The following ARHGAP35 variants were observed in gnomAD, a reference collection of about 807,000 sequenced individuals.
ARHGAP35 encodes the protein Rho GTPase activating protein 35, also known as rho GTPase-activating protein 35.
A neutral mutation model predicts 111.1 loss-of-function variants in ARHGAP35; 15 were observed. That is an observed-to-expected ratio of 0.13 (90% CI 0.09 to 0.21). The LOEUF is 0.21. ARHGAP35 is among the 10% of genes least tolerant of loss of function. ARHGAP35 has a pLI of 1.00. For missense variants in ARHGAP35, 1,262 were observed against 1,873.0 expected (o/e 0.67, Z 6.02); for synonymous variants, 643 against 710.3 (o/e 0.91, Z 1.51).
In ARHGAP35 at chr19:46,919,188, T is replaced by G; in HGVS notation, c.513T>G (p.Asn171Lys). ...LLGIDVSRGM[N>K]RNFDDQLKFV... ...GTATTGATGTTAGCAGGGGCATGAA[T>G]AGGAACTTTGATGACCAGCTCAAGT... Residue 171 changes from asparagine to lysine, a missense_variant, in exon 2 of 7, where the codon AAT (asparagine) becomes AAG (lysine). Transcript: ENST00000672722. The surrounding 1 kb of genome is among the most constrained non-coding windows in gnomAD (Gnocchi z 6.2). 6.2e-7 allele frequency: 1 copy of G among 1,613,920 alleles called. No homozygotes were observed. The highest frequency in any genetic ancestry group is 8.5e-7 in the Non-Finnish European group (1 of 1,179,882).
At chr19:46,869,942 A>G (rs1014402191) in intron 1 of ARHGAP35, among the ~76,000 whole-genome samples, 1 of 124,392 alleles carries the variant, frequency 8.0e-6, no homozygotes, top group Non-Finnish European at 1.7e-5. Flanking sequence ...ATCACTGTGT[A>G]CTTTTTTTTT....
chr19:46,890,237 A>T (rs917223784), intron 1 of ARHGAP35, among the ~76,000 whole-genome samples: 3 of 152,200 alleles, frequency 2.0e-5, no homozygotes, highest in Non-Finnish European at 4.4e-5. Flanking sequence ...TCTATTGTTG[A>T]ACATCTAAGG....
chr19:46,921,955 G>A lies in ARHGAP35; in HGVS notation c.3280G>A (p.Val1094Met). 6.2e-7 allele frequency: 1 copy of A among 1,614,036 alleles called. No individual in the cohort carries two copies. Among genetic ancestry groups the A allele is most frequent in the Non-Finnish European group, 8.5e-7 (1 of 1,179,898 alleles). ...PSDYAEPMDA[V>M]VKPRNEEENI... is the part of the protein sequence containing the mutation. Reference sequence around the variant, plus strand: ...TGACTATGCTGAACCCATGGATGCTGTGGTGAAGCCAAGGAATGAAGAAGA... The same window carrying A: ...TGACTATGCTGAACCCATGGATGCTATGGTGAAGCCAAGGAATGAAGAAGA... The change falls in exon 2 of 7, where the codon GTG becomes ATG. Residue 1094 changes from valine to methionine, a missense_variant. Around this residue, in one of 8 missense-constraint regions of ARHGAP35, gnomAD observed 579 missense variants for 716.9 expected, o/e 0.81. Transcript: ENST00000672722. The surrounding 1 kb of genome is among the most constrained non-coding windows in gnomAD (Gnocchi z 4.3).
chr19:46,888,715 C>T (rs1052809916), intron 1 of ARHGAP35, among the ~76,000 whole-genome samples: 1 of 151,484 alleles, frequency 6.6e-6, no homozygotes, highest in Non-Finnish European at 1.5e-5. Flanking sequence ...GTTCTTTGGC[C>T]GGGTGTGGTG....
chr19:46,940,794 A>G (rs1401569300), intron 3 of ARHGAP35, among the ~76,000 whole-genome samples: 1 of 152,040 alleles, frequency 6.6e-6, no homozygotes, highest in Non-Finnish European at 1.5e-5. Flanking sequence ...CATCGTGATC[A>G]AGTTCTGGGT....
chr19:46,876,376 AT>A (rs538198355), intron 1 of ARHGAP35, among the ~76,000 whole-genome samples: 55 of 147,916 alleles, frequency 3.7e-4, no homozygotes, highest in African/African-American at 1.1e-3. Context: ...TTTTTTTTAA[AT>A]TTTTTTTTTC....
Position 47,000,267 on chromosome 19 carries a change from T to C in ARHGAP35, c.4143-64T>C. 6.5e-7 allele frequency: 1 copy of C among 1,540,590 alleles called. No homozygotes were observed. The highest frequency in any genetic ancestry group is 1.2e-5 in the South Asian group (1 of 82,352). On this transcript the variant is annotated intron_variant, in intron 6 of 6. Coordinates refer to ENST00000672722, the MANE Select transcript of ARHGAP35 (RefSeq NM_004491.5). This position sits in a 1 kb window ranked among gnomAD's most constrained non-coding sequence, Gnocchi z 6.9. ...GGCTCAGCCTGGGTGCTGAAGACCA[T>C]GAGCGCCCAGGGCCAGGTGGGGCCC...
In ARHGAP35 at chr19:46,919,201, G is replaced by T; in HGVS notation, c.526G>T (p.Asp176Tyr). ...VSRGMNRNFD[D>Y]QLKFVSNLYN... is the part of the protein sequence containing the mutation. ...CAGGGGCATGAATAGGAACTTTGAT[G>T]ACCAGCTCAAGTTTGTCTCCAATCT... The change falls in exon 2 of 7, where the codon GAC becomes TAC. Residue 176 changes from aspartate (D) to tyrosine (Y), a missense_variant. Around this residue, in one of 8 missense-constraint regions of ARHGAP35, gnomAD observed 125 missense variants for 301.7 expected, o/e 0.41. Transcript: ENST00000672722. The surrounding 1 kb of genome is among the most constrained non-coding windows in gnomAD (Gnocchi z 6.2). The T allele has an allele frequency of 6.2e-7, 1 of 1,613,870 alleles. No individual in the cohort carries two copies. The highest frequency in any genetic ancestry group is 1.1e-5 in the South Asian group (1 of 91,018).
At chr19:46,938,859 C>A (rs960167543) in intron 3 of ARHGAP35, among the ~76,000 whole-genome samples, 3 of 151,528 alleles carry the variant, frequency 2.0e-5, no homozygotes, top group Middle Eastern at 3.5e-3. Context: ...GGTTTCACCA[C>A]ATTGGTCAGG....
At chr19:46,902,259 T>C (rs901668805) in intron 1 of ARHGAP35, among the ~76,000 whole-genome samples, 6 of 152,250 alleles carry the variant, frequency 3.9e-5, no homozygotes, top group Non-Finnish European at 8.8e-5. Flanking sequence ...AAAGTCACTC[T>C]GGAAGAATAT....
intron 3 of ARHGAP35, among the ~76,000 whole-genome samples, chr19:46,962,911 T>G (rs2122274662): frequency 6.6e-6 from 1 of 152,224 alleles, no homozygotes; most frequent in Non-Finnish European, 1.5e-5. Flanking sequence ...GCGCCCGGCC[T>G]CAACCTCTCA....
In ARHGAP35 at chr19:46,897,930, T is replaced by A. The variant is rs182906062; in HGVS notation, c.-188-20558T>A. ...TTTAGAATTAGAGTGACCATTTACA[T>A]GGTTTTCATTCCCAATCTGTGAATT... On this transcript the variant is annotated intron_variant, in intron 1 of 6. Transcript: ENST00000672722. 9.8e-5 allele frequency among the ~76,000 whole-genome samples: 15 copies of A among 152,304 alleles called. 1 individual carries two copies. Among genetic ancestry groups the A allele is most frequent in the African/African-American group, 3.6e-4 (15 of 41,570 alleles).
chr19:46,941,876 TAAAAAAAAAAAA>T (rs71179279), intron 3 of ARHGAP35, among the ~76,000 whole-genome samples: 65 of 94,540 alleles, frequency 6.9e-4, no homozygotes, highest in African/African-American at 2.6e-3. Context: ...CCTGTCTCTT[TAAAAAAAAAAAA>T]AAAAAAAAAA....
At chr19:46,905,831 C>G (rs745900521) in intron 1 of ARHGAP35, among the ~76,000 whole-genome samples, 52 of 152,136 alleles carry the variant, frequency 3.4e-4, no homozygotes, top group South Asian at 1.0e-3. Flanking sequence ...GGATTACAGG[C>G]GTGAGCCACT....
Position 47,001,761 on chromosome 19 carries a change from A to G in ARHGAP35, c.*1073A>G. On this transcript the variant is annotated 3_prime_UTR_variant, in exon 7 of 7. Transcript: ENST00000672722. This position sits in a 1 kb window ranked among gnomAD's most constrained non-coding sequence, Gnocchi z 5.4. ...GGGTGTGTGTGCACATGTGAGTGTG[A>G]GTGTGTGTGGGCGCTTGGTGGGGGG... The G allele has an allele frequency of 4.1e-6, 1 of 242,800 alleles. No individual in the cohort carries two copies. The highest frequency in any genetic ancestry group is 8.1e-6 in the Non-Finnish European group (1 of 123,372). 15.0% of individuals were successfully genotyped at this position (242,800 alleles called of 1,614,324 possible). A position where few individuals can be genotyped will look rare whatever the true frequency, so the allele number is the denominator to read the frequency against.
intron 1 of ARHGAP35, among the ~76,000 whole-genome samples, chr19:46,869,345 A>G (rs767022007): frequency 6.6e-6 from 1 of 152,172 alleles, no homozygotes; most frequent in Non-Finnish European, 1.5e-5. Flanking sequence ...TAATCCCAGC[A>G]CTTTGGAAGG....
intron 1 of ARHGAP35, among the ~76,000 whole-genome samples, chr19:46,862,804 C>G (rs544806834): frequency 6.6e-6 from 1 of 152,216 alleles, no homozygotes; most frequent in Admixed American, 6.5e-5. Flanking sequence ...AGTCTCTTCC[C>G]CCCACCATTT....
chr19:46,980,413 A>T lies in ARHGAP35; in HGVS notation c.3827-7576A>T, dbSNP rs147413837. Among the ~76,000 whole-genome samples the T allele has an allele frequency of 6.0e-3, 913 of 152,210 alleles. 5 individuals carry two copies. The highest frequency in any genetic ancestry group is 0.02 in the South Asian group (97 of 4,814). ...CAAAAATAATAATAATATTTACAGC[A>T]TCTTGACAGACTCATTAATGATGTC... On this transcript the variant is annotated intron_variant, in intron 3 of 6. Transcript: ENST00000672722.
intron 1 of ARHGAP35, among the ~76,000 whole-genome samples, chr19:46,869,637 A>G (rs1223350342): frequency 6.6e-6 from 1 of 152,192 alleles, no homozygotes; most frequent in Non-Finnish European, 1.5e-5. Flanking sequence ...ACAAAGGAAA[A>G]TGATTACCAT....
Sources: gnomAD v4.1 joint callset for allele counts (sites outside exome capture counted in the v4.1 genomes callset) on GRCh38, gnomAD v4.1.1 for gene constraint, gnomAD v4.1.1 regional missense constraint, Gnocchi (gnomAD v3.1) non-coding constraint, MANE v1.5 for transcripts, NCBI Gene and HGNC (gene_info 2026-07-23, HGNC 2026-07-21) for gene names.